Variants in AFG2A observed in about 807,000 individuals in gnomAD.
AFG2A encodes ATPase family gene 2 protein homolog A.
At chr4:123,017,014 C>A in the AFG2A span, among the ~76,000 whole-genome samples, 1 of 152,064 alleles carries the variant, frequency 6.6e-6, no homozygotes, top group Non-Finnish European at 1.5e-5. Context: ...CGCAGGCCCT[C>A]GGCAGGCTGA....
At chr4:123,014,301 T>C in the AFG2A span, among the ~76,000 whole-genome samples, 2 of 152,210 alleles carry the variant, frequency 1.3e-5, no homozygotes, top group Admixed American at 6.5e-5. Flanking sequence ...GCAAAATATT[T>C]TCATGATGTA....
the AFG2A span, among the ~76,000 whole-genome samples, chr4:123,255,500 G>GAAA: frequency 2.1e-5 from 3 of 139,966 alleles, no homozygotes; most frequent in Non-Finnish European, 4.6e-5. Flanking sequence ...GTCTCAAAAA[G>GAAA]AAAAAAAAAA....
At chr4:122,954,137 A>G in the AFG2A span, among the ~76,000 whole-genome samples, 1 of 152,160 alleles carries the variant, frequency 6.6e-6, no homozygotes, top group Admixed American at 6.5e-5. Context: ...ACAACCACCC[A>G]GCTAAGGAGG....
the AFG2A span, among the ~76,000 whole-genome samples, chr4:123,133,037 C>A: frequency 6.6e-6 from 1 of 152,270 alleles, no homozygotes; most frequent in Non-Finnish European, 1.5e-5. Flanking sequence ...GCCTAGGCCT[C>A]CCAAAGTGCT....
the AFG2A span, among the ~76,000 whole-genome samples, chr4:123,055,240 A>G: frequency 6.6e-6 from 1 of 152,172 alleles, no homozygotes; most frequent in Non-Finnish European, 1.5e-5. Flanking sequence ...AGTAACATCT[A>G]TTTTGGCTCA....
chr4:122,994,014 GTGAA>G, the AFG2A span, among the ~76,000 whole-genome samples: 10 of 152,156 alleles, frequency 6.6e-5, no homozygotes, highest in African/African-American at 1.4e-4. Context: ...TGTTGAGTGA[GTGAA>G]TGAATAACTG....
the AFG2A span, among the ~76,000 whole-genome samples, chr4:123,106,260 T>A: frequency 1.3e-5 from 2 of 152,196 alleles, no homozygotes; most frequent in Admixed American, 1.3e-4. Flanking sequence ...CCCCCATACA[T>A]ATTGGTATTG....
the AFG2A span, among the ~76,000 whole-genome samples, chr4:123,294,237 A>G: frequency 0.72 from 109,761 of 152,088 alleles, 40,835 homozygotes; most frequent in Non-Finnish European, 0.81. Flanking sequence ...GAGCGACATA[A>G]ACTCTGTAAG....
the AFG2A span, chr4:122,929,061 G>A: frequency 6.2e-7 from 1 of 1,613,622 alleles, no homozygotes; most frequent in South Asian, 1.1e-5. Context: ...CTGGCCTATG[G>A]CAGGATTTCC....
At chr4:122,942,419 G>A in the AFG2A span, among the ~76,000 whole-genome samples, 202 of 151,000 alleles carry the variant, frequency 1.3e-3, 1 homozygote, top group African/African-American at 4.6e-3. Context: ...GTTTATTTGC[G>A]TAGAGGTGTT....
the AFG2A span, among the ~76,000 whole-genome samples, chr4:122,947,939 T>C: frequency 3.3e-5 from 5 of 152,138 alleles, no homozygotes; most frequent in Non-Finnish European, 5.9e-5. Flanking sequence ...TATTGGAAAA[T>C]TTTTTGGAGA....
At chr4:123,010,766 C>A in the AFG2A span, among the ~76,000 whole-genome samples, 1 of 152,184 alleles carries the variant, frequency 6.6e-6, no homozygotes, top group Non-Finnish European at 1.5e-5. Flanking sequence ...CTTGCTTGAC[C>A]TATCTCATTG....
the AFG2A span, among the ~76,000 whole-genome samples, chr4:123,291,127 G>A: frequency 5.3e-5 from 8 of 152,116 alleles, no homozygotes; most frequent in African/African-American, 1.9e-4. Context: ...TATAAGAAAG[G>A]CTATTACTGC....
At chr4:123,051,365 A>T in the AFG2A span, among the ~76,000 whole-genome samples, 1 of 152,042 alleles carries the variant, frequency 6.6e-6, no homozygotes, top group East Asian at 1.9e-4. Flanking sequence ...TAAGAAACAA[A>T]TGAAAAGAAA....
chr4:123,088,351 A>G, the AFG2A span, among the ~76,000 whole-genome samples: 1 of 152,206 alleles, frequency 6.6e-6, no homozygotes, highest in Admixed American at 6.5e-5. Flanking sequence ...ATCACAAGTG[A>G]TTAGCAGAGT....
chr4:123,065,663 GAC>G, the AFG2A span, among the ~76,000 whole-genome samples: 5 of 152,098 alleles, frequency 3.3e-5, no homozygotes, highest in African/African-American at 1.2e-4. Context: ...TTCTACAGTT[GAC>G]ACACAGTGTG....
At chr4:123,239,746 C>T in the AFG2A span, among the ~76,000 whole-genome samples, 90 of 152,270 alleles carry the variant, frequency 5.9e-4, no homozygotes, top group African/African-American at 2.0e-3. Flanking sequence ...TAAAGACCAT[C>T]GATGCTTTGA....
At chr4:123,079,138 C>T in the AFG2A span, among the ~76,000 whole-genome samples, 9 of 152,166 alleles carry the variant, frequency 5.9e-5, no homozygotes, top group Admixed American at 5.9e-4. Flanking sequence ...GTAGTGCCTG[C>T]CAGCTAGTGT....
chr4:123,225,063 T>G, the AFG2A span, among the ~76,000 whole-genome samples: 2 of 152,210 alleles, frequency 1.3e-5, no homozygotes, highest in Admixed American at 1.3e-4. Flanking sequence ...GAGTTGTTTG[T>G]TTTTTTCTTG....
Sources: gnomAD v4.1 joint callset for allele counts (sites outside exome capture counted in the v4.1 genomes callset) on GRCh38, gnomAD v4.1.1 for gene constraint, MANE v1.5 for transcripts, NCBI Gene and HGNC (gene_info 2026-07-23, HGNC 2026-07-21) for gene names.